REEP1: variants seen among roughly 807,000 people sequenced by gnomAD.
REEP1 encodes receptor accessory protein 1, also known as receptor expression-enhancing protein 1.
In REEP1, 22 loss-of-function variants were observed where a neutral mutation model predicts 40.3. The observed-to-expected ratio is 0.55, with a 90% CI of 0.39 to 0.78. The LOEUF (loss-of-function observed/expected upper bound fraction) is 0.78, where lower values mean the gene tolerates loss of function less well. Among genes scored for constraint, REEP1 ranks in the 30% least tolerant of loss-of-function variants. The probability of loss-of-function intolerance (pLI) is 0.00; values close to 1 mark genes in which losing one functional copy is unlikely to be tolerated. For missense variants in REEP1, 280 were observed against 361.1 expected (o/e 0.78, Z 1.82); for synonymous variants, 116 against 139.2 (o/e 0.83, Z 1.17).
chr2:86,322,026 T>C (rs1680291862), intron 1 of REEP1, among the ~76,000 whole-genome samples: 1 of 152,156 alleles, frequency 6.6e-6, no homozygotes, highest in Non-Finnish European at 1.5e-5. Context: ...AAAAAGAATC[T>C]ACAGGTAAGC....
intron 7 of REEP1, among the ~76,000 whole-genome samples, chr2:86,221,202 G>A (rs1199548603): frequency 1.3e-5 from 2 of 151,960 alleles, no homozygotes; most frequent in Non-Finnish European, 2.9e-5. Flanking sequence ...CACCAGGCGT[G>A]GAGTAAAAAA....
intron 2 of REEP1, among the ~76,000 whole-genome samples, chr2:86,273,178 C>T (rs1046713940): frequency 3.3e-5 from 5 of 151,222 alleles, no homozygotes; most frequent in Non-Finnish European, 7.4e-5. Context: ...AAGCGGGTGA[C>T]TTTCTTTCCT....
At chr2:86,245,940 A>G (rs909292385) in intron 5 of REEP1, among the ~76,000 whole-genome samples, 13 of 151,704 alleles carry the variant, frequency 8.6e-5, no homozygotes, top group Non-Finnish European at 1.6e-4. Flanking sequence ...AATTTTTTGT[A>G]TTTTTAGTAG....
At chr2:86,289,117 A>AT (rs1678563173) in intron 1 of REEP1, among the ~76,000 whole-genome samples, 1 of 151,754 alleles carries the variant, frequency 6.6e-6, no homozygotes, top group Non-Finnish European at 1.5e-5. Context: ...TCTTTTCCAG[A>AT]TTTTTTCTAT....
chr2:86,234,191 G>GA (rs957306908), intron 5 of REEP1, among the ~76,000 whole-genome samples: 3 of 151,802 alleles, frequency 2.0e-5, no homozygotes, highest in African/African-American at 7.2e-5. Context: ...AGGGGAGGGG[G>GA]AAAAAAAGGG....
At chr2:86,241,098 G>A (rs1214737277) in intron 5 of REEP1, among the ~76,000 whole-genome samples, 2 of 152,236 alleles carry the variant, frequency 1.3e-5, no homozygotes, top group Non-Finnish European at 2.9e-5. Flanking sequence ...CCCGGTGATG[G>A]GGAGTCAGGG....
intron 4 of REEP1, among the ~76,000 whole-genome samples, chr2:86,254,072 A>G (rs182256007): frequency 2.0e-3 from 302 of 152,362 alleles, no homozygotes; most frequent in Non-Finnish European, 3.1e-3. Context: ...GAACATCATC[A>G]TGGGTATTAC....
chr2:86,235,892 T>C (rs1675296576), intron 5 of REEP1, among the ~76,000 whole-genome samples: 1 of 152,112 alleles, frequency 6.6e-6, no homozygotes, highest in Admixed American at 6.6e-5. Context: ...AAATTAGCCC[T>C]TGCCCATCAA....
intron 2 of REEP1, among the ~76,000 whole-genome samples, chr2:86,267,060 C>A (rs1027600841): frequency 1.9e-4 from 28 of 150,244 alleles, no homozygotes; most frequent in African/African-American, 6.7e-4. Flanking sequence ...TACTGGGAGG[C>A]CAAGATGAGA....
intron 1 of REEP1, among the ~76,000 whole-genome samples, chr2:86,284,214 G>C (rs1212772151): frequency 6.6e-6 from 1 of 152,066 alleles, no homozygotes; most frequent in Non-Finnish European, 1.5e-5. Flanking sequence ...CTTCCTCGGG[G>C]AGGCCTTTCC....
intron 1 of REEP1, among the ~76,000 whole-genome samples, chr2:86,297,174 C>T (rs145016288): frequency 9.8e-4 from 150 of 152,312 alleles, no homozygotes; most frequent in African/African-American, 3.2e-3. Context: ...CTGGCCAGCA[C>T]TTGTGACGAG....
intron 5 of REEP1, among the ~76,000 whole-genome samples, chr2:86,242,883 T>C (rs1187124481): frequency 1.3e-5 from 2 of 151,914 alleles, no homozygotes; most frequent in African/African-American, 4.8e-5. Context: ...GAAGAGTAAG[T>C]GGGAGGAAGG....
chr2:86,255,947 T>A (rs1012180965), intron 3 of REEP1, among the ~76,000 whole-genome samples: 5 of 152,098 alleles, frequency 3.3e-5, no homozygotes, highest in Admixed American at 3.3e-4. Context: ...GTAGTAACCA[T>A]GTGTTTATGG....
intron 1 of REEP1, among the ~76,000 whole-genome samples, chr2:86,328,137 G>A (rs1196168446): frequency 1.3e-5 from 2 of 152,046 alleles, no homozygotes; most frequent in African/African-American, 4.8e-5. Flanking sequence ...GTGTGGACTC[G>A]TGGTTCTCAG....
In REEP1 at chr2:86,231,238, G is replaced by T. The variant is rs146395359; in HGVS notation, c.595+1387C>A. On this transcript the variant is annotated intron_variant, in intron 6 of 8. Coordinates refer to ENST00000538924, the MANE Select transcript of REEP1 (RefSeq NM_001371279.1). ...CCTTTTGGGATTCCATTCCTGGGGG[G>T]GGGTCCCTCGGGGGGTAACCCCTCC... is the stretch of plus-strand genomic sequence containing the variant. 8.4e-4 allele frequency among the ~76,000 whole-genome samples: 128 copies of T among 152,306 alleles called. No individual in the cohort carries two copies. In the East Asian group the frequency reaches 0.022, roughly 26 times the overall value.
chr2:86,274,901 C>T (rs1677663371), intron 2 of REEP1, among the ~76,000 whole-genome samples: 5 of 152,146 alleles, frequency 3.3e-5, no homozygotes, highest in Admixed American at 3.3e-4. Context: ...GGAGACTTTC[C>T]ATGAGCCACA....
chr2:86,322,307 G>A (rs983823622), intron 1 of REEP1, among the ~76,000 whole-genome samples: 2 of 152,144 alleles, frequency 1.3e-5, no homozygotes, highest in African/African-American at 4.8e-5. Flanking sequence ...ACTTTGGGAG[G>A]CCGAGGTGGG....
At chr2:86,239,494 C>G (rs2104113324) in intron 5 of REEP1, among the ~76,000 whole-genome samples, 1 of 152,238 alleles carries the variant, frequency 6.6e-6, no homozygotes, top group Admixed American at 6.5e-5. Flanking sequence ...ACAAAGCCAC[C>G]AGCACAACCG....
intron 2 of REEP1, among the ~76,000 whole-genome samples, chr2:86,281,850 A>C (rs947061933): frequency 6.6e-6 from 1 of 152,132 alleles, no homozygotes; most frequent in African/African-American, 2.4e-5. Flanking sequence ...AGGTCTACAG[A>C]GTGTTTTCCA....
Sources: gnomAD v4.1 joint callset for allele counts (sites outside exome capture counted in the v4.1 genomes callset) on GRCh38, gnomAD v4.1.1 for gene constraint, MANE v1.5 for transcripts, NCBI Gene and HGNC (gene_info 2026-07-23, HGNC 2026-07-21) for gene names.